The following TEK variants were observed in gnomAD, a reference collection of about 807,000 sequenced individuals.
TEK encodes the protein TEK receptor tyrosine kinase, also known as angiopoietin-1 receptor.
Under a neutral mutation model 131.8 loss-of-function variants are expected in TEK, and 43 were observed. The ratio of observed to expected loss-of-function variants is 0.33; its 90% CI spans 0.26 to 0.42. The LOEUF is 0.42. TEK is among the 10% of genes least tolerant of loss of function. TEK has a pLI of 1.00. For synonymous variants in TEK, 580 were observed against 491.6 expected (o/e 1.18, Z -2.38); for missense variants, 1,162 against 1,384.4 (o/e 0.84, Z 2.55).
chr9:27,115,872 G>A (rs1821535845), intron 1 of TEK, among the ~76,000 whole-genome samples: 2 of 152,190 alleles, frequency 1.3e-5, no homozygotes, highest in Non-Finnish European at 2.9e-5. Context: ...AGATCAAGAA[G>A]GGCCTCACAG....
At chr9:27,144,284 A>C (rs961535622) in intron 1 of TEK, among the ~76,000 whole-genome samples, 1 of 152,182 alleles carries the variant, frequency 6.6e-6, no homozygotes, top group Non-Finnish European at 1.5e-5. Flanking sequence ...CCGTCTCAAA[A>C]AAAAAAGGAA....
At chr9:27,211,516 G>C (rs963205234) in intron 16 of TEK, among the ~76,000 whole-genome samples, 2 of 136,434 alleles carry the variant, frequency 1.5e-5, no homozygotes, top group Admixed American at 8.3e-5. Context: ...GCAGTAGCAC[G>C]ATGTCAGCCC....
chr9:27,174,049 T>C (rs138567908), intron 6 of TEK, among the ~76,000 whole-genome samples: 100 of 152,280 alleles, frequency 6.6e-4, no homozygotes, highest in Non-Finnish European at 1.0e-3. Context: ...ACTAACATCA[T>C]CTACTCAGAG....
intron 1 of TEK, among the ~76,000 whole-genome samples, chr9:27,125,342 G>A (rs1299733959): frequency 6.6e-6 from 1 of 152,202 alleles, no homozygotes; most frequent in African/African-American, 2.4e-5. Context: ...GCTGCTTCTG[G>A]AATCAAACAA....
chr9:27,112,419 C>G (rs992305070), intron 1 of TEK, among the ~76,000 whole-genome samples: 3 of 152,126 alleles, frequency 2.0e-5, no homozygotes, highest in African/African-American at 4.8e-5. Flanking sequence ...GAGGGAGGAG[C>G]TTGCTTTTTT....
At chr9:27,222,541 G>A (rs976647527) in intron 21 of TEK, among the ~76,000 whole-genome samples, 1 of 152,228 alleles carries the variant, frequency 6.6e-6, no homozygotes, top group Non-Finnish European at 1.5e-5. Flanking sequence ...CGAGCCAGAA[G>A]AGAGTGGGGG....
intron 1 of TEK, among the ~76,000 whole-genome samples, chr9:27,147,620 T>C (rs940713137): frequency 2.6e-5 from 4 of 152,212 alleles, no homozygotes; most frequent in Non-Finnish European, 4.4e-5. Flanking sequence ...TTATTCATGG[T>C]GTCTATGACA....
At position 27,205,652 on chromosome 9, in the gene TEK, T is replaced by G. The variant is rs138597505; in HGVS notation, c.2364+587T>G. Among the ~76,000 whole-genome samples the G allele has an allele frequency of 1.1e-4, 16 of 152,266 alleles. No individual in the cohort carries two copies. The East Asian group carries it at 3.1e-3, about 29-fold the overall frequency. ...CTCATTTTTTTTTTCATCTAGGAATTCTAACCAGTAGCAAAGGCCTATAAA... is the reference window on the plus strand; with the variant it reads ...CTCATTTTTTTTTTCATCTAGGAATGCTAACCAGTAGCAAAGGCCTATAAA... On this transcript the variant is annotated intron_variant, in intron 14 of 22. Transcript: ENST00000380036.
At chr9:27,152,372 G>A (rs35174672) in intron 1 of TEK, among the ~76,000 whole-genome samples, 28,877 of 150,728 alleles carry the variant, frequency 0.19, 3,029 homozygotes, top group Admixed American at 0.24. Context: ...GGTAAATCAG[G>A]ACTTGATTTC....
Position 27,168,297 on chromosome 9 carries a change from TC to T in TEK, c.365-195del. Among the ~76,000 whole-genome samples, 6 of 152,296 alleles carry T rather than the reference TC, an allele frequency of 3.9e-5. 1 individual carries two copies. In the East Asian group the frequency reaches 1.2e-3, roughly 29 times the overall value. On this transcript the variant is annotated intron_variant, in intron 2 of 22. Transcript: ENST00000380036. ...TACACTCTTATAAAGGAAGTGACCA[TC>T]CCTTTCATCAGATTCTTAGAAAGGT...
At chr9:27,136,480 A>G (rs780647932) in intron 1 of TEK, among the ~76,000 whole-genome samples, 3 of 152,106 alleles carry the variant, frequency 2.0e-5, no homozygotes, top group Non-Finnish European at 2.9e-5. Context: ...AATTTTGTCA[A>G]CCCAGATGTG....
chr9:27,183,691 A>T, intron 8 of TEK, 81 bp downstream of exon 8: 1 of 1,556,546 alleles, frequency 6.4e-7, no homozygotes, highest in East Asian at 2.2e-5. Context: ...GATAGATACC[A>T]TTCAGTGCTT....
chr9:27,186,901 T>C (rs1824619844), intron 9 of TEK, among the ~76,000 whole-genome samples: 1 of 152,166 alleles, frequency 6.6e-6, no homozygotes, highest in East Asian at 1.9e-4. Flanking sequence ...GCCCTGAGAA[T>C]CCATATGAAC....
intron 1 of TEK, among the ~76,000 whole-genome samples, chr9:27,130,855 C>T (rs543849989): frequency 4.0e-4 from 61 of 151,224 alleles, no homozygotes; most frequent in African/African-American, 1.4e-3. Flanking sequence ...CGTGAGCCAC[C>T]GCGCCCGGCC....
intron 11 of TEK, among the ~76,000 whole-genome samples, chr9:27,193,073 A>G (rs1016288441): frequency 1.4e-4 from 22 of 152,102 alleles, no homozygotes; most frequent in African/African-American, 4.1e-4. Flanking sequence ...ATAATTTCCA[A>G]TTTTTCAAAG....
chr9:27,166,721 T>C (rs1424395660), intron 2 of TEK, among the ~76,000 whole-genome samples: 1 of 152,236 alleles, frequency 6.6e-6, no homozygotes, highest in East Asian at 1.9e-4. Flanking sequence ...TTATGTCGAA[T>C]GTATACTTCA....
At chr9:27,228,336 A>C in intron 22 of TEK, 31 bp downstream of exon 22, 2 of 1,534,966 alleles carry the variant, frequency 1.3e-6, no homozygotes, top group Non-Finnish European at 9.0e-7. Context: ...GGAGATCTTT[A>C]ATTGGAATAC....
intron 2 of TEK, 151 bp from the exon 3 acceptor site, chr9:27,168,344 A>T: frequency 1.5e-6 from 1 of 672,572 alleles, no homozygotes; most frequent in Non-Finnish European, 2.7e-6. Context: ...AAGAAAGGTT[A>T]AAACGCATTA....
At chr9:27,212,145 G>A (rs1825658232) in intron 16 of TEK, among the ~76,000 whole-genome samples, 1 of 152,106 alleles carries the variant, frequency 6.6e-6, no homozygotes, top group South Asian at 2.1e-4. Flanking sequence ...ACCTCTGGTG[G>A]CCAGAGACCC....
Sources: allele counts gnomAD v4.1 joint callset (sites outside exome capture counted in the v4.1 genomes callset), GRCh38; gene constraint gnomAD v4.1.1; transcripts MANE v1.5; gene names NCBI Gene and HGNC (gene_info 2026-07-23, HGNC 2026-07-21).